MCC: variants seen among roughly 807,000 people sequenced by gnomAD.
The protein encoded by MCC is colorectal mutant cancer protein.
In MCC, 90 loss-of-function variants were observed where a neutral mutation model predicts 116.2. That is an observed-to-expected ratio of 0.77 (90% confidence interval 0.65 to 0.92). The LOEUF (loss-of-function observed/expected upper bound fraction) is 0.92, where lower values mean the gene tolerates loss of function less well. Ranked by LOEUF, MCC falls within the 40% of genes least tolerant of loss-of-function variation. The pLI is 0.00. For missense variants in MCC, 1,516 were observed against 1,312.2 expected (o/e 1.16, Z -2.40); for synonymous variants, 578 against 510.5 (o/e 1.13, Z -1.78).
chr5:113,393,326 T>A (rs1036294766), intron 1 of MCC, among the ~76,000 whole-genome samples: 2 of 152,182 alleles, frequency 1.3e-5, no homozygotes, highest in African/African-American at 2.4e-5. Flanking sequence ...AACATATATA[T>A]AAAGCCGATT....
At chr5:113,041,900 G>C (rs574245892) in intron 17 of MCC, among the ~76,000 whole-genome samples, 1 of 152,250 alleles carries the variant, frequency 6.6e-6, no homozygotes, top group East Asian at 1.9e-4. Context: ...GGGAGGCTGA[G>C]GCAGGAGAAT....
intron 5 of MCC, among the ~76,000 whole-genome samples, chr5:113,124,452 A>ACT (rs1757924066): frequency 6.6e-6 from 1 of 152,198 alleles, no homozygotes; most frequent in African/African-American, 2.4e-5. Context: ...CTCAGCCGAG[A>ACT]CTTTTTTGCA....
In MCC at chr5:113,064,173, T is replaced by C; in HGVS notation, c.2030-6A>G. On this transcript the variant is annotated splice_region_variant and splice_polypyrimidine_tract_variant and intron_variant, in intron 13 of 18. Transcript: ENST00000408903. ...TTCATCCCCCGACTGGTCTCCTATGTGGCAGAGAAGCCAACGGATTAATCA... is the reference window on the plus strand; with the variant it reads ...TTCATCCCCCGACTGGTCTCCTATGCGGCAGAGAAGCCAACGGATTAATCA... 1 of 1,604,530 alleles carries C rather than the reference T, an allele frequency of 6.2e-7. No individual in the cohort carries two copies. The highest frequency in any genetic ancestry group is 8.5e-7 in the Non-Finnish European group (1 of 1,173,954).
At chr5:113,369,901 GTT>G in intron 2 of MCC, among the ~76,000 whole-genome samples, 1 of 152,054 alleles carries the variant, frequency 6.6e-6, no homozygotes, top group East Asian at 1.9e-4. Context: ...TCTCTTGTCT[GTT>G]TCCCTCATTA....
chr5:113,308,267 C>A (rs1037748305), intron 3 of MCC, among the ~76,000 whole-genome samples: 1 of 152,332 alleles, frequency 6.6e-6, no homozygotes, highest in South Asian at 2.1e-4. Flanking sequence ...TGACATTAAC[C>A]TTTCTGTTCT....
At chr5:113,414,011 G>C (rs1770069606) in intron 1 of MCC, among the ~76,000 whole-genome samples, 1 of 152,146 alleles carries the variant, frequency 6.6e-6, no homozygotes, top group African/African-American at 2.4e-5. Flanking sequence ...CTTTATTTCT[G>C]CCTTCATTTT....
At chr5:113,031,779 CAG>C (rs958596629) in intron 17 of MCC, among the ~76,000 whole-genome samples, 8 of 152,246 alleles carry the variant, frequency 5.3e-5, no homozygotes, top group African/African-American at 1.4e-4. Flanking sequence ...CCCAGGCCCT[CAG>C]GGGACCAGAG....
intron 3 of MCC, among the ~76,000 whole-genome samples, chr5:113,218,190 C>A (rs1763399525): frequency 1.3e-5 from 2 of 152,062 alleles, no homozygotes; most frequent in African/African-American, 2.4e-5. Context: ...GCACTGGCGA[C>A]AAGCGACATT....
chr5:113,123,780 G>A (rs1023373756), intron 5 of MCC, among the ~76,000 whole-genome samples: 1 of 152,194 alleles, frequency 6.6e-6, no homozygotes, highest in African/African-American at 2.4e-5. Context: ...ACTGTCAGGG[G>A]ATTTAACTGG....
At chr5:113,122,558 G>C in intron 6 of MCC, 126 bp downstream of exon 6, 1 of 1,026,962 alleles carries the variant, frequency 9.7e-7, no homozygotes, top group African/African-American at 1.6e-5. Flanking sequence ...AAATACATGT[G>C]ACTTCATCCA....
chr5:113,193,121 C>T (rs1376019297), intron 3 of MCC, among the ~76,000 whole-genome samples: 1 of 152,154 alleles, frequency 6.6e-6, no homozygotes, highest in Non-Finnish European at 1.5e-5. Context: ...GCCAGCAGCA[C>T]AGAATCTTCC....
chr5:113,106,535 T>TA (rs540744092), intron 6 of MCC, among the ~76,000 whole-genome samples: 57 of 150,232 alleles, frequency 3.8e-4, no homozygotes, highest in South Asian at 1.9e-3. Context: ...AAATTTTAAT[T>TA]AAAAAAAAAA....
intron 3 of MCC, among the ~76,000 whole-genome samples, chr5:113,195,936 T>C (rs1219020506): frequency 6.6e-6 from 1 of 152,158 alleles, no homozygotes; most frequent in Non-Finnish European, 1.5e-5. Flanking sequence ...TTTGCATCTG[T>C]CACCCCCTCA....
At chr5:113,051,930 G>T (rs2150221921) in intron 15 of MCC, among the ~76,000 whole-genome samples, 1 of 152,142 alleles carries the variant, frequency 6.6e-6, no homozygotes, top group East Asian at 1.9e-4. Flanking sequence ...AGCAGACTGG[G>T]AGGGACTCAG....
At chr5:113,234,088 G>A (rs1161543336) in intron 3 of MCC, among the ~76,000 whole-genome samples, 1 of 152,112 alleles carries the variant, frequency 6.6e-6, no homozygotes, top group Non-Finnish European at 1.5e-5. Context: ...AAGAATCACA[G>A]GTGCTCAATA....
intron 16 of MCC, among the ~76,000 whole-genome samples, chr5:113,046,672 C>T (rs1369132230): frequency 1.7e-5 from 1 of 60,480 alleles, no homozygotes; most frequent in African/African-American, 6.7e-5. Flanking sequence ...TGACTGCTAA[C>T]AAACTCAAAA....
chr5:113,269,155 T>G, intron 3 of MCC: 1 of 985,212 alleles, frequency 1.0e-6, no homozygotes, highest in Non-Finnish European at 1.2e-6. Flanking sequence ...CAAGGCAGAA[T>G]AATTCTCTGC....
At chr5:113,082,139 C>G (rs952831358) in intron 11 of MCC, among the ~76,000 whole-genome samples, 5 of 152,222 alleles carry the variant, frequency 3.3e-5, no homozygotes, top group African/African-American at 9.7e-5. Flanking sequence ...ATAAGAGAGT[C>G]TTTGCCAACA....
intron 3 of MCC, among the ~76,000 whole-genome samples, chr5:113,318,883 T>C (rs952562623): frequency 2.6e-5 from 4 of 152,200 alleles, no homozygotes; most frequent in Non-Finnish European, 5.9e-5. Context: ...AATTATTTTT[T>C]TGAAACAGGG....
Sources: gnomAD v4.1 joint callset for allele counts (sites outside exome capture counted in the v4.1 genomes callset) on GRCh38, gnomAD v4.1.1 for gene constraint, MANE v1.5 for transcripts, NCBI Gene and HGNC (gene_info 2026-07-23, HGNC 2026-07-21) for gene names.